AGBL1: variants seen among roughly 807,000 people sequenced by gnomAD.
AGBL1 encodes the protein AGBL carboxypeptidase 1.
A neutral mutation model predicts 118.9 loss-of-function variants in AGBL1; 130 were observed. The ratio of observed to expected loss-of-function variants is 1.09; its 90% confidence interval spans 0.95 to 1.26. The LOEUF (loss-of-function observed/expected upper bound fraction) is 1.26, where lower values mean the gene tolerates loss of function less well. Ranked by LOEUF, AGBL1 falls within the 50% of genes most tolerant of loss-of-function variation. The probability of loss-of-function intolerance (pLI) is 0.00; values close to 1 mark genes in which losing one functional copy is unlikely to be tolerated. For missense variants in AGBL1, 1,584 were observed against 1,298.1 expected (o/e 1.22, Z -3.38); for synonymous variants, 555 against 478.9 (o/e 1.16, Z -2.08).
At chr15:86,415,512 CA>C (rs2081679601) in intron 18 of AGBL1, among the ~76,000 whole-genome samples, 1 of 152,034 alleles carries the variant, frequency 6.6e-6, no homozygotes, top group African/African-American at 2.4e-5. Context: ...TTAAAGTAAA[CA>C]ACACTTATAA....
chr15:86,921,872 CA>C (rs1310810437), intron 23 of AGBL1, among the ~76,000 whole-genome samples: 1 of 152,142 alleles, frequency 6.6e-6, no homozygotes, highest in Non-Finnish European at 1.5e-5. Flanking sequence ...CCTTCAGGAG[CA>C]GTTGATCTAG....
chr15:86,126,526 T>A (rs1404039835), intron 1 of AGBL1, among the ~76,000 whole-genome samples: 1 of 152,196 alleles, frequency 6.6e-6, no homozygotes, highest in African/African-American at 2.4e-5. Flanking sequence ...AATTGAACAG[T>A]GCTTCAAGCA....
At chr15:86,562,692 T>A (rs182382615) in intron 21 of AGBL1, among the ~76,000 whole-genome samples, 59 of 152,328 alleles carry the variant, frequency 3.9e-4, no homozygotes, top group African/African-American at 1.3e-3. Context: ...CTTTTTCTAT[T>A]GATTGGAATA....
intron 18 of AGBL1, among the ~76,000 whole-genome samples, chr15:86,402,378 G>A (rs2081462085): frequency 6.6e-6 from 1 of 151,926 alleles, no homozygotes; most frequent in African/African-American, 2.4e-5. Context: ...GGTTTTCTAG[G>A]TATATAATCA....
intron 22 of AGBL1, among the ~76,000 whole-genome samples, chr15:86,690,022 G>C (rs751862777): frequency 2.8e-4 from 43 of 152,132 alleles, no homozygotes; most frequent in Non-Finnish European, 5.1e-4. Context: ...GATAGGGAAT[G>C]GTTTCTGTTT....
intron 21 of AGBL1, among the ~76,000 whole-genome samples, chr15:86,648,180 C>T (rs758465090): frequency 3.9e-5 from 6 of 151,902 alleles, no homozygotes; most frequent in Non-Finnish European, 5.9e-5. Context: ...CTAAACTTTG[C>T]GAAAACTGTT....
chr15:86,203,884 G>A (rs1053130153), intron 5 of AGBL1, among the ~76,000 whole-genome samples: 2 of 152,080 alleles, frequency 1.3e-5, no homozygotes, highest in South Asian at 4.2e-4. Context: ...ATTTATTTAT[G>A]CAAAGACTTG....
intron 22 of AGBL1, among the ~76,000 whole-genome samples, chr15:86,771,910 G>A (rs138088685): frequency 6.6e-6 from 1 of 152,134 alleles, no homozygotes; most frequent in Non-Finnish European, 1.5e-5. Flanking sequence ...GTCATTAAGG[G>A]AAATGGGTGT....
At chr15:86,387,396 C>T (rs1162633495) in intron 17 of AGBL1, among the ~76,000 whole-genome samples, 1 of 152,110 alleles carries the variant, frequency 6.6e-6, no homozygotes, top group Non-Finnish European at 1.5e-5. Context: ...GTGGGTTCTA[C>T]TACAGTGTGT....
At chr15:86,821,131 C>T (rs974107140) in intron 22 of AGBL1, among the ~76,000 whole-genome samples, 6 of 151,718 alleles carry the variant, frequency 4.0e-5, no homozygotes, top group Non-Finnish European at 5.9e-5. Flanking sequence ...ACAAAGAGAA[C>T]ACATGGACAC....
intron 22 of AGBL1, among the ~76,000 whole-genome samples, chr15:86,882,298 T>C (rs1367087496): frequency 6.6e-6 from 1 of 152,206 alleles, no homozygotes; most frequent in Non-Finnish European, 1.5e-5. Context: ...ATTTGCTGGG[T>C]AACCAACAGT....
intron 22 of AGBL1, among the ~76,000 whole-genome samples, chr15:86,711,158 G>C (rs568112884): frequency 6.6e-6 from 1 of 152,148 alleles, no homozygotes; most frequent in Admixed American, 6.5e-5. Flanking sequence ...CTCTTGAGCC[G>C]TTGGTACCTT....
chr15:86,812,339 A>C (rs1322243119), intron 22 of AGBL1, among the ~76,000 whole-genome samples: 1 of 152,196 alleles, frequency 6.6e-6, no homozygotes, highest in African/African-American at 2.4e-5. Context: ...TATGGACTAC[A>C]ATTTACTTTA....
intron 15 of AGBL1, among the ~76,000 whole-genome samples, chr15:86,275,661 C>T (rs1029937799): frequency 6.6e-6 from 1 of 152,136 alleles, no homozygotes; most frequent in African/African-American, 2.4e-5. Flanking sequence ...CAGATCCTTC[C>T]AAAGATAAAT....
chr15:86,768,166 C>G (rs2078123206), intron 22 of AGBL1, among the ~76,000 whole-genome samples: 1 of 151,932 alleles, frequency 6.6e-6, no homozygotes, highest in Admixed American at 6.6e-5. Flanking sequence ...GTCTTAGACC[C>G]TGCTGATTTG....
chr15:86,391,593 C>T (rs1003838064), intron 17 of AGBL1, among the ~76,000 whole-genome samples: 1 of 150,626 alleles, frequency 6.6e-6, no homozygotes, highest in African/African-American at 2.5e-5. Flanking sequence ...AATTCTTCAG[C>T]TCCAAGAAGC....
intron 18 of AGBL1, among the ~76,000 whole-genome samples, chr15:86,519,020 A>G (rs2083155007): frequency 6.6e-6 from 1 of 152,050 alleles, no homozygotes; most frequent in African/African-American, 2.4e-5. Context: ...AAATGTCTTT[A>G]TTTGTGAAAA....
intron 17 of AGBL1, among the ~76,000 whole-genome samples, chr15:86,358,494 G>A (rs898908716): frequency 1.3e-5 from 2 of 151,978 alleles, no homozygotes; most frequent in Admixed American, 6.6e-5. Context: ...AAACATGGGG[G>A]TGCAGATATC....
intron 21 of AGBL1, among the ~76,000 whole-genome samples, chr15:86,641,398 C>G (rs2085187328): frequency 6.7e-6 from 1 of 149,522 alleles, no homozygotes; most frequent in African/African-American, 2.5e-5. Flanking sequence ...CTAGTTTCTA[C>G]CACTCAATTT....
Sources: gnomAD v4.1 joint callset for allele counts (sites outside exome capture counted in the v4.1 genomes callset) on GRCh38, gnomAD v4.1.1 for gene constraint, MANE v1.5 for transcripts, NCBI Gene and HGNC (gene_info 2026-07-23, HGNC 2026-07-21) for gene names.